TSPAN15: variants seen among roughly 807,000 people sequenced by gnomAD.
TSPAN15 encodes the protein tetraspanin-15.
Under a neutral mutation model 34.5 loss-of-function variants are expected in TSPAN15, and 20 were observed. The ratio of observed to expected loss-of-function variants is 0.58; its 90% CI spans 0.41 to 0.84. The LOEUF is 0.84. TSPAN15 is among the 40% of genes least tolerant of loss of function. The pLI is 0.00. For missense variants in TSPAN15, 313 were observed against 386.1 expected, an observed-to-expected ratio of 0.81 and a Z score of 1.59; for synonymous variants, 155 against 153.9, an observed-to-expected ratio of 1.01 and a Z score of -0.05.
intron 4 of TSPAN15, 86 bp from the exon 5 acceptor site, chr10:69,498,194 T>G: frequency 8.2e-7 from 1 of 1,224,754 alleles, no homozygotes; most frequent in East Asian, 2.3e-5. Context: ...ATAAACTGCC[T>G]CCGTCTCCTG....
chr10:69,496,959 C>G (rs1432160105), intron 4 of TSPAN15, among the ~76,000 whole-genome samples: 1 of 152,188 alleles, frequency 6.6e-6, no homozygotes, highest in Admixed American at 6.5e-5. Flanking sequence ...GCTGAATGGG[C>G]ACTTGCTTGG....
chr10:69,454,853 T>C (rs1589617542), intron 1 of TSPAN15, among the ~76,000 whole-genome samples: 1 of 151,938 alleles, frequency 6.6e-6, no homozygotes, highest in East Asian at 1.9e-4. Context: ...TAGAAATGCA[T>C]GCATGGGCTT....
intron 1 of TSPAN15, among the ~76,000 whole-genome samples, chr10:69,480,421 C>T (rs977039705): frequency 5.3e-5 from 8 of 152,080 alleles, no homozygotes; most frequent in Non-Finnish European, 1.0e-4. Context: ...TAGTTGTGTT[C>T]GTTCCACGAC....
At chr10:69,526,848 A>G in the TSPAN15 span, among the ~76,000 whole-genome samples, 2 of 146,494 alleles carry the variant, frequency 1.4e-5, no homozygotes, top group Non-Finnish European at 3.0e-5. Context: ...ATATGGAGAA[A>G]TTGGAACCTT....
the TSPAN15 span, among the ~76,000 whole-genome samples, chr10:69,524,709 C>A: frequency 7.0e-6 from 1 of 142,910 alleles, no homozygotes; most frequent in Non-Finnish European, 1.5e-5. Context: ...TTCGACAATT[C>A]AGTAGACAAA....
chr10:69,470,494 C>T (rs1210433967), intron 1 of TSPAN15, among the ~76,000 whole-genome samples: 3 of 152,164 alleles, frequency 2.0e-5, no homozygotes, highest in Non-Finnish European at 4.4e-5. Flanking sequence ...CCTTCACATG[C>T]CCACTGTGGT....
intron 3 of TSPAN15, among the ~76,000 whole-genome samples, chr10:69,493,714 C>T (rs966994691): frequency 2.6e-5 from 4 of 152,136 alleles, no homozygotes; most frequent in African/African-American, 4.8e-5. Context: ...CCTTGTGATC[C>T]GCCTGCCTTG....
chr10:69,533,512 C>T, the TSPAN15 span, among the ~76,000 whole-genome samples: 32 of 151,978 alleles, frequency 2.1e-4, 1 homozygote, highest in African/African-American at 7.5e-4. Context: ...TGGTGGCTTG[C>T]GGGGAAGGGG....
At chr10:69,546,190 T>C in the TSPAN15 span, among the ~76,000 whole-genome samples, 1 of 152,182 alleles carries the variant, frequency 6.6e-6, no homozygotes, top group African/African-American at 2.4e-5. Context: ...GATCATTCCA[T>C]GTGCGTCTTC....
At chr10:69,538,381 T>C in the TSPAN15 span, among the ~76,000 whole-genome samples, 1 of 152,200 alleles carries the variant, frequency 6.6e-6, no homozygotes, top group Non-Finnish European at 1.5e-5. Context: ...GCACCTCTGA[T>C]ATACAAAGGG....
chr10:69,522,396 AAAAAG>A, the TSPAN15 span, among the ~76,000 whole-genome samples: 1 of 144,512 alleles, frequency 6.9e-6, no homozygotes, highest in Non-Finnish European at 1.5e-5. Context: ...AAAAAAAAAA[AAAAAG>A]AAGGTCAATT....
chr10:69,462,855 A>G (rs537970161), intron 1 of TSPAN15, among the ~76,000 whole-genome samples: 2 of 152,312 alleles, frequency 1.3e-5, no homozygotes, highest in African/African-American at 4.8e-5. Context: ...CACAGTTGGG[A>G]GAGGCCCAGA....
At chr10:69,503,647 G>T (rs1227968) in intron 5 of TSPAN15, among the ~76,000 whole-genome samples, 2 of 152,036 alleles carry the variant, frequency 1.3e-5, no homozygotes, top group East Asian at 1.9e-4. Flanking sequence ...CATCACTGGC[G>T]CCTGCAGCAC....
intron 3 of TSPAN15, among the ~76,000 whole-genome samples, chr10:69,487,880 T>C (rs957549065): frequency 1.3e-5 from 2 of 152,208 alleles, no homozygotes; most frequent in African/African-American, 4.8e-5. Context: ...TGAAGGGTGC[T>C]CCTTCCCCTT....
Position 69,506,197 on chromosome 10 carries a change from A to G in TSPAN15, c.692A>G (p.Tyr231Cys). 6.2e-7 allele frequency: 1 copy of G among 1,614,178 alleles called. No individual in the cohort carries two copies. Among genetic ancestry groups the G allele is most frequent in the Non-Finnish European group, 8.5e-7 (1 of 1,180,022 alleles). ...GTGATCATCTGGTTCATGGACAACT[A>G]CACCATCATGGCGGGCATCCTCCTG... is the stretch of plus-strand genomic sequence containing the variant. ...NAVIIWFMDNYTIMAGILLGI... is the reference protein window; with the variant it reads ...NAVIIWFMDNCTIMAGILLGI... Residue 231 changes from tyrosine to cysteine, a missense_variant, in exon 7 of 8, where the codon TAC (tyrosine) becomes TGC (cysteine). Tyr to Cys is a radical substitution (Grantham distance 194). Transcript: ENST00000373290. This position sits in a 1 kb window ranked among gnomAD's most constrained non-coding sequence, Gnocchi z 4.7.
intron 4 of TSPAN15, among the ~76,000 whole-genome samples, chr10:69,497,490 GA>G (rs1842112358): frequency 6.6e-6 from 1 of 152,192 alleles, no homozygotes; most frequent in South Asian, 2.1e-4. Flanking sequence ...TGTTTCAGAT[GA>G]AATATCCTCT....
the TSPAN15 span, among the ~76,000 whole-genome samples, chr10:69,549,467 C>T: frequency 6.6e-6 from 1 of 152,184 alleles, no homozygotes; most frequent in South Asian, 2.1e-4. Flanking sequence ...TGAGACATGG[C>T]TTCTGTTAAT....
chr10:69,501,139 G>A (rs931133259), intron 5 of TSPAN15, among the ~76,000 whole-genome samples: 3 of 152,234 alleles, frequency 2.0e-5, no homozygotes, highest in Non-Finnish European at 4.4e-5. Context: ...GAGGCAGGCT[G>A]GGTGACCAGG....
chr10:69,456,960 G>A (rs1351798947), intron 1 of TSPAN15, among the ~76,000 whole-genome samples: 2 of 152,166 alleles, frequency 1.3e-5, no homozygotes, highest in African/African-American at 4.8e-5. Context: ...GCATCCTCAG[G>A]TAGGTGCTCC....
Sources: allele counts gnomAD v4.1 joint callset (sites outside exome capture counted in the v4.1 genomes callset), GRCh38; gene constraint gnomAD v4.1.1; non-coding constraint Gnocchi (gnomAD v3.1); transcripts MANE v1.5; gene names NCBI Gene and HGNC (gene_info 2026-07-23, HGNC 2026-07-21).